The following PRKDC variants were observed in gnomAD, a reference collection of about 807,000 sequenced individuals.
PRKDC encodes the protein DNA-dependent protein kinase catalytic subunit.
PRKDC carries 82 observed loss-of-function variants against 486.9 expected under a neutral mutation model. The observed-to-expected ratio is 0.17, with a 90% confidence interval of 0.14 to 0.20. The LOEUF (loss-of-function observed/expected upper bound fraction) is 0.20, where lower values mean the gene tolerates loss of function less well. PRKDC is among the 10% of genes least tolerant of loss of function. PRKDC has a pLI of 1.00. For synonymous variants in PRKDC, 1,895 were observed against 1,837.0 expected, an observed-to-expected ratio of 1.03 and a Z score of -0.81; for missense variants, 4,504 against 5,038.2, an observed-to-expected ratio of 0.89 and a Z score of 3.21.
intron 26 of PRKDC, among the ~76,000 whole-genome samples, chr8:47,903,752 G>A (rs1198579164): frequency 6.6e-6 from 1 of 152,022 alleles, no homozygotes; most frequent in Non-Finnish European, 1.5e-5. Flanking sequence ...AGGATCAAAA[G>A]GGAGAAAAGA....
intron 83 of PRKDC, 92 bp from the exon 84 acceptor site, chr8:47,777,966 TCA>T: frequency 8.6e-7 from 1 of 1,168,302 alleles, no homozygotes; most frequent in Non-Finnish European, 1.2e-6. Context: ...TAGTTACTGT[TCA>T]CATTTAGTAA....
chr8:47,792,254 ATTTT>A (rs757370500), intron 74 of PRKDC, among the ~76,000 whole-genome samples: 2 of 139,448 alleles, frequency 1.4e-5, no homozygotes, highest in African/African-American at 5.3e-5. Flanking sequence ...CCACAGTAAA[ATTTT>A]TTTTTTTTTT....
At chr8:47,790,614 G>A (rs1051125248) in intron 74 of PRKDC, among the ~76,000 whole-genome samples, 2 of 152,130 alleles carry the variant, frequency 1.3e-5, no homozygotes, top group African/African-American at 4.8e-5. Flanking sequence ...AAGCCACCCT[G>A]AGCAAAAAGA....
At chr8:47,886,400 T>C (rs534686939) in intron 35 of PRKDC, among the ~76,000 whole-genome samples, 107 of 152,350 alleles carry the variant, frequency 7.0e-4, no homozygotes, top group African/African-American at 1.9e-3. Context: ...TGTTGTGTTT[T>C]ATTTTTTGAG....
intron 21 of PRKDC, among the ~76,000 whole-genome samples, chr8:47,924,177 A>T (rs2090119536): frequency 1.3e-5 from 2 of 151,990 alleles, no homozygotes; most frequent in Admixed American, 6.6e-5. Context: ...TACTTTCCGG[A>T]TGTTCTATAA....
chr8:47,887,484 C>G, intron 35 of PRKDC, 63 bp downstream of exon 35: 3 of 1,389,624 alleles, frequency 2.2e-6, no homozygotes, highest in Non-Finnish European at 2.8e-6. Context: ...CTAGAGACAC[C>G]TGCAAGTGAC....
At chr8:47,943,387 AT>A in intron 9 of PRKDC, 21 bp from the exon 10 acceptor site, 1 of 1,582,556 alleles carries the variant, frequency 6.3e-7, no homozygotes, top group Admixed American at 1.9e-5. Context: ...AAATGCCATT[AT>A]ATTTAAAATC....
At chr8:47,901,101 A>T (rs188328120) in intron 27 of PRKDC, among the ~76,000 whole-genome samples, 108 of 148,026 alleles carry the variant, frequency 7.3e-4, no homozygotes, top group African/African-American at 2.6e-3. Context: ...TTGAGTCATG[A>T]TCCCCCCACT....
At chr8:47,892,936 A>G (rs1045428939) in intron 31 of PRKDC, among the ~76,000 whole-genome samples, 1 of 152,198 alleles carries the variant, frequency 6.6e-6, no homozygotes, top group African/African-American at 2.4e-5. Context: ...AACTTTTTCA[A>G]TTATATAAAG....
chr8:47,775,117 G>T (rs1374975524), intron 85 of PRKDC, among the ~76,000 whole-genome samples: 2 of 151,866 alleles, frequency 1.3e-5, no homozygotes, highest in Non-Finnish European at 1.5e-5. Flanking sequence ...AACCCAGGAG[G>T]TGGGGGTTGC....
At chr8:47,941,440 G>A (rs1478616333) in intron 10 of PRKDC, among the ~76,000 whole-genome samples, 1 of 152,114 alleles carries the variant, frequency 6.6e-6, no homozygotes, top group African/African-American at 2.4e-5. Flanking sequence ...AGCATCCCTG[G>A]AAGCCGAGAC....
At position 47,898,559 on chromosome 8, in the gene PRKDC, T is replaced by C. The variant is rs2089624114; in HGVS notation, c.3375A>G (p.Gln1125=). ...HADEKSLGTI[Q]QCCDAIDHLC... is the part of the protein sequence containing the mutation. ...GGTGATCAATGGCATCACAACACTGTTGAATTGTACCTGTTCTCAAGTACA... is the reference window on the plus strand; with the variant it reads ...GGTGATCAATGGCATCACAACACTGCTGAATTGTACCTGTTCTCAAGTACA... Residue 1125 remains glutamine (Q), a synonymous_variant, in exon 29 of 86, where the codon CAA becomes CAG. Transcript: ENST00000314191. The C allele has an allele frequency of 2.7e-6, 4 of 1,481,440 alleles. No homozygotes were observed. Among genetic ancestry groups the C allele is most frequent in the Non-Finnish European group, 3.6e-6 (4 of 1,095,912 alleles). 91.8% of individuals were successfully genotyped at this position (1,481,440 alleles called of 1,614,324 possible).
rs1403663184 is a variant in PRKDC, at chr8:47,803,559, C to A, written c.9748-79G>T. 3.0e-6 allele frequency: 4 copies of A among 1,332,238 alleles called. No individual in the cohort carries two copies. The South Asian group carries it at 4.8e-5, about 16-fold the overall frequency. 82.5% of individuals were successfully genotyped at this position (1,332,238 alleles called of 1,614,324 possible). ...GAAGTTTCTAATTGGCCTGCTTCCCCCTTTGCACGACACAATCCACCTTAG... is the reference window on the plus strand; with the variant it reads ...GAAGTTTCTAATTGGCCTGCTTCCCACTTTGCACGACACAATCCACCTTAG... On this transcript the variant is annotated intron_variant, in intron 69 of 85. Coordinates refer to ENST00000314191, the MANE Select transcript of PRKDC (RefSeq NM_006904.7).
Position 47,866,940 on chromosome 8 carries a change from G to A in PRKDC, c.5364-2177C>T, listed in dbSNP as rs117276485. Among the ~76,000 whole-genome samples, 45 of 152,072 alleles carry A rather than the reference G, an allele frequency of 3.0e-4. No homozygotes were observed. The East Asian group carries it at 6.0e-3, about 20-fold the overall frequency. ...TTTTGTAATGATGGGGTTCTGCTACGTTGCTCAGGCTGGTCTCAAACTCCT... is the reference window on the plus strand; with the variant it reads ...TTTTGTAATGATGGGGTTCTGCTACATTGCTCAGGCTGGTCTCAAACTCCT... On this transcript the variant is annotated intron_variant, in intron 40 of 85. Transcript: ENST00000314191.
chr8:47,900,528 A>G, intron 27 of PRKDC, 61 bp from the exon 28 acceptor site: 2 of 1,426,040 alleles, frequency 1.4e-6, no homozygotes. Context: ...AGGACAAAGA[A>G]AAGAAGGAAT....
At chr8:47,869,103 A>G (rs2088886092) in intron 40 of PRKDC, among the ~76,000 whole-genome samples, 1 of 152,118 alleles carries the variant, frequency 6.6e-6, no homozygotes, top group Non-Finnish European at 1.5e-5. Flanking sequence ...TAAGATGACA[A>G]CAATTGCAAT....
chr8:47,773,862 C>A lies in PRKDC; in HGVS notation c.*311G>T. On this transcript the variant is annotated 3_prime_UTR_variant, in exon 86 of 86. Coordinates refer to ENST00000314191, the MANE Select transcript of PRKDC (RefSeq NM_006904.7). ...TTTACGGAGACAGCTGTTTCACTAACTTGCAGCACTTGTAAATGCTTTGAA... is the reference window on the plus strand; with the variant it reads ...TTTACGGAGACAGCTGTTTCACTAAATTGCAGCACTTGTAAATGCTTTGAA... 1 of 266,948 alleles carries A rather than the reference C, an allele frequency of 3.7e-6. No individual in the cohort carries two copies. The highest frequency in any genetic ancestry group is 1.4e-4 in the South Asian group (1 of 7,042). The allele number at this position is 266,948 out of a possible 1,614,324, so 16.5% of individuals were successfully genotyped here.
At chr8:47,920,709 A>G (rs1258725043) in intron 21 of PRKDC, among the ~76,000 whole-genome samples, 1 of 152,214 alleles carries the variant, frequency 6.6e-6, no homozygotes, top group Non-Finnish European at 1.5e-5. Flanking sequence ...TAAATATAAC[A>G]CGAACATGCA....
intron 15 of PRKDC, 143 bp from the exon 16 acceptor site, chr8:47,933,315 T>A (rs1589802334): frequency 3.1e-6 from 2 of 655,138 alleles, no homozygotes; most frequent in South Asian, 6.1e-5. Context: ...CAGATTTACC[T>A]GGAAGTTTTC....
Sources: allele counts gnomAD v4.1 joint callset (sites outside exome capture counted in the v4.1 genomes callset), GRCh38; gene constraint gnomAD v4.1.1; transcripts MANE v1.5; gene names NCBI Gene and HGNC (gene_info 2026-07-23, HGNC 2026-07-21).